RAD51B: variants seen among roughly 807,000 people sequenced by gnomAD.
RAD51B encodes RAD51 paralog B, also known as DNA repair protein RAD51 homolog 2.
RAD51B carries 38 observed loss-of-function variants against 42.2 expected under a neutral mutation model. That is an observed-to-expected ratio of 0.90 (90% CI 0.70 to 1.18). RAD51B has a LOEUF of 1.18. Ranked by LOEUF, RAD51B falls within the 50% of genes most tolerant of loss-of-function variation. RAD51B has a pLI of 0.00. For missense variants in RAD51B, 373 were observed against 400.7 expected (o/e 0.93, Z 0.59); for synonymous variants, 154 against 145.2 (o/e 1.06, Z -0.43).
chr14:68,628,242 TATTTC>T (rs1224629974), intron 10 of RAD51B: 1 of 152,220 alleles, frequency 6.6e-6, no homozygotes, highest in East Asian at 1.9e-4. Flanking sequence ...GGAAGATGAC[TATTTC>T]TTTTTTCGGC....
chr14:68,622,446 G>A (rs1348028433), intron 10 of RAD51B, among the ~76,000 whole-genome samples: 8 of 152,130 alleles, frequency 5.3e-5, no homozygotes, highest in Admixed American at 5.2e-4. Context: ...GCGGGAGGCT[G>A]TTTACCAAAA....
At chr14:68,473,797 A>G (rs1023605189) in intron 10 of RAD51B, among the ~76,000 whole-genome samples, 2 of 152,178 alleles carry the variant, frequency 1.3e-5, no homozygotes, top group African/African-American at 4.8e-5. Context: ...CTTATCCCAC[A>G]TTCCTCCACA....
chr14:67,838,008 T>G (rs1002657342), intron 4 of RAD51B, among the ~76,000 whole-genome samples: 16 of 152,270 alleles, frequency 1.1e-4, no homozygotes, highest in African/African-American at 3.9e-4. Flanking sequence ...TGAGATCAAT[T>G]TTTTTAGCTT....
At chr14:68,504,662 C>CTTTTTTTTTTTT (rs57967320) in intron 10 of RAD51B, among the ~76,000 whole-genome samples, 40 of 90,432 alleles carry the variant, frequency 4.4e-4, no homozygotes, top group East Asian at 2.4e-3. Context: ...TTTTTTCTTT[C>CTTTTTTTTTTTT]TTTTTTTTTT....
chr14:68,217,518 T>C (rs2079840680), intron 7 of RAD51B, among the ~76,000 whole-genome samples: 1 of 152,204 alleles, frequency 6.6e-6, no homozygotes, highest in Non-Finnish European at 1.5e-5. Context: ...CCCATCAGAC[T>C]GACTGAGAGT....
rs2033735991 is a variant in RAD51B, at chr14:68,329,892, G to T, written c.853+37912G>T. Among the ~76,000 whole-genome samples the T allele has an allele frequency of 2.0e-5, 3 of 150,658 alleles. 1 individual carries two copies. In the South Asian group the frequency reaches 6.3e-4, roughly 32 times the overall value. On this transcript the variant is annotated intron_variant, in intron 8 of 10. Transcript: ENST00000471583. ...AGCTACTCGGGAGGCTGAGGCAGGAGAAAGGCATGAACCCAGGAGGTGGAG... is the reference window on the plus strand; with the variant it reads ...AGCTACTCGGGAGGCTGAGGCAGGATAAAGGCATGAACCCAGGAGGTGGAG...
chr14:68,379,233 A>T (rs990433845), intron 8 of RAD51B, among the ~76,000 whole-genome samples: 5 of 152,216 alleles, frequency 3.3e-5, no homozygotes, highest in African/African-American at 1.2e-4. Context: ...TATTTATTGG[A>T]TGATTGAGTG....
At chr14:68,595,949 G>A (rs1431892296) in exon 11 of RAD51B, 23 of 379,056 alleles carry the variant, frequency 6.1e-5, no homozygotes, top group Non-Finnish European at 8.1e-5. Context: ...TTTTGGAATT[G>A]TCTTTTTTTT....
At chr14:68,431,454 T>A (rs1483707908) in intron 9 of RAD51B, among the ~76,000 whole-genome samples, 1 of 152,230 alleles carries the variant, frequency 6.6e-6, no homozygotes, top group African/African-American at 2.4e-5. Context: ...ATTCAGGGAT[T>A]CAACTTCTTC....
chr14:68,350,662 T>C (rs941623260), intron 8 of RAD51B, among the ~76,000 whole-genome samples: 2 of 152,246 alleles, frequency 1.3e-5, no homozygotes, highest in Non-Finnish European at 2.9e-5. Context: ...AGGCTAGTGT[T>C]AAGTAAATAG....
chr14:67,975,718 A>G (rs542768065), intron 7 of RAD51B, among the ~76,000 whole-genome samples: 1 of 152,354 alleles, frequency 6.6e-6, no homozygotes, highest in South Asian at 2.1e-4. Flanking sequence ...ATTTGAACGT[A>G]GTTTGAACAG....
At chr14:68,079,474 T>TC (rs2076881915) in intron 7 of RAD51B, among the ~76,000 whole-genome samples, 1 of 152,222 alleles carries the variant, frequency 6.6e-6, no homozygotes, top group South Asian at 2.1e-4. Context: ...CTGCTTAAAC[T>TC]CTGATATATT....
At chr14:68,401,679 G>A (rs979108912) in intron 8 of RAD51B, among the ~76,000 whole-genome samples, 1 of 152,100 alleles carries the variant, frequency 6.6e-6, no homozygotes, top group Non-Finnish European at 1.5e-5. Context: ...CTAAAGTGAA[G>A]CAGCCCATTC....
intron 7 of RAD51B, among the ~76,000 whole-genome samples, chr14:68,175,818 C>T (rs1311655395): frequency 6.6e-6 from 1 of 152,178 alleles, no homozygotes; most frequent in African/African-American, 2.4e-5. Context: ...ACATGAATTC[C>T]ATCAAGTGAA....
intron 8 of RAD51B, among the ~76,000 whole-genome samples, chr14:68,310,419 T>C (rs114014929): frequency 0.021 from 3,155 of 152,318 alleles, 103 homozygotes; most frequent in African/African-American, 0.068. Flanking sequence ...TACAAAACCA[T>C]GAAGCCTGTA....
chr14:68,250,813 A>G (rs1595606652), intron 7 of RAD51B, among the ~76,000 whole-genome samples: 1 of 152,340 alleles, frequency 6.6e-6, no homozygotes, highest in Admixed American at 6.5e-5. Context: ...GAACATTCCC[A>G]GGAAGGGAGA....
intron 8 of RAD51B, among the ~76,000 whole-genome samples, chr14:68,301,602 T>TG (rs2081739595): frequency 6.7e-6 from 1 of 148,738 alleles, no homozygotes; most frequent in African/African-American, 2.5e-5. Context: ...GTTTTTTTTT[T>TG]TTTTTTTTTT....
chr14:68,316,693 C>G (rs370117793), intron 8 of RAD51B, among the ~76,000 whole-genome samples: 1 of 152,166 alleles, frequency 6.6e-6, no homozygotes, highest in Admixed American at 6.5e-5. Flanking sequence ...TGAACACTCC[C>G]GCCAGAGTGG....
At chr14:68,275,096 A>G (rs965868081) in intron 7 of RAD51B, among the ~76,000 whole-genome samples, 22 of 152,172 alleles carry the variant, frequency 1.4e-4, no homozygotes, top group African/African-American at 5.3e-4. Context: ...ATTGATGATC[A>G]TTGCCTAGAT....
Sources: gnomAD v4.1 joint callset for allele counts (sites outside exome capture counted in the v4.1 genomes callset) on GRCh38, gnomAD v4.1.1 for gene constraint, MANE v1.5 for transcripts, NCBI Gene and HGNC (gene_info 2026-07-23, HGNC 2026-07-21) for gene names.